Variants in PTPRC observed in about 807,000 individuals in gnomAD.
PTPRC encodes the protein receptor-type tyrosine-protein phosphatase C.
In PTPRC, 44 loss-of-function variants were observed where a neutral mutation model predicts 155.9. The ratio of observed to expected loss-of-function variants is 0.28; its 90% CI spans 0.22 to 0.36. The LOEUF (loss-of-function observed/expected upper bound fraction) is 0.36, where lower values mean the gene tolerates loss of function less well. PTPRC is among the 10% of genes least tolerant of loss of function. PTPRC has a pLI of 1.00. For missense variants in PTPRC, 1,401 were observed against 1,564.6 expected (o/e 0.90, Z 1.76); for synonymous variants, 525 against 533.1 (o/e 0.98, Z 0.21).
intron 32 of PTPRC, 157 bp downstream of exon 32, chr1:198,754,561 C>G (rs1364469402): frequency 1.6e-5 from 14 of 882,104 alleles, no homozygotes; most frequent in Non-Finnish European, 2.4e-5. Flanking sequence ...TTTAGCTTTT[C>G]TACTTTTACA....
chr1:198,714,507 T>C (rs1461138796), intron 12 of PTPRC, among the ~76,000 whole-genome samples: 5 of 152,168 alleles, frequency 3.3e-5, no homozygotes, highest in Non-Finnish European at 7.4e-5. Context: ...CGGGATTGAA[T>C]GGCTGAGAAG....
chr1:198,722,436 C>T lies in PTPRC; in HGVS notation c.1680C>T (p.Asp560=), dbSNP rs1478951283. The T allele has an allele frequency of 1.4e-6, 2 of 1,457,508 alleles. No homozygotes were observed. The highest frequency in any genetic ancestry group is 1.8e-6 in the Non-Finnish European group (2 of 1,097,210). The allele number at this position is 1,457,508 out of a possible 1,614,324, so 90.3% of individuals were successfully genotyped here. A position where few individuals can be genotyped will look rare whatever the true frequency, so the allele number is the denominator to read the frequency against. ...YTFKAYFHNG[D]YPGEPFILHH... ...TTCAGGCCTATTTTCACAATGGAGA[C>T]TATCCTGGAGAACCCTTTATTTTAC... The change falls in exon 15 of 33, where the codon GAC becomes GAT. Residue 560 remains aspartate, a synonymous_variant. Transcript: ENST00000442510.
chr1:198,688,296 G>A (rs1473178693), intron 2 of PTPRC, among the ~76,000 whole-genome samples: 3 of 151,976 alleles, frequency 2.0e-5, no homozygotes, highest in Non-Finnish European at 4.4e-5. Context: ...TAGAAGAAAG[G>A]AAAATGTTGG....
Position 198,754,346 on chromosome 1 carries a change from A to G in PTPRC, c.3587A>G (p.Asp1196Gly), listed in dbSNP as rs1325619408. 1 of 1,613,232 alleles carries G rather than the reference A, an allele frequency of 6.2e-7. No individual in the cohort carries two copies. Among genetic ancestry groups the G allele is most frequent in the Non-Finnish European group, 8.5e-7 (1 of 1,179,560 alleles). Residue 1196 changes from aspartate to glycine, a missense_variant, in exon 32 of 33, where the codon GAT becomes GGT. By Grantham distance (94) the Asp-to-Gly change is moderately conservative (BLOSUM62 -1). Around this residue, in one of 3 missense-constraint regions of PTPRC, gnomAD observed 400 missense variants for 389.5 expected, o/e 1.03. Coordinates refer to ENST00000442510, the MANE Select transcript of PTPRC (RefSeq NM_002838.5). ...AGTGCGGAAACAGAAGAGGTAGTGG[A>G]TATTTTTCAAGTGGTAAAAGCTCTA... Reference protein sequence around the residue: ...LESAETEEVVDIFQVVKALRK... With the variant: ...LESAETEEVVGIFQVVKALRK...
chr1:198,670,234 A>C (rs1664565889), intron 2 of PTPRC, among the ~76,000 whole-genome samples: 1 of 152,160 alleles, frequency 6.6e-6, no homozygotes, highest in Non-Finnish European at 1.5e-5. Context: ...TATTTTCCTT[A>C]GCATTTTTAA....
chr1:198,644,086 G>T (rs1384483804), intron 2 of PTPRC, among the ~76,000 whole-genome samples: 1 of 151,682 alleles, frequency 6.6e-6, no homozygotes, highest in East Asian at 1.9e-4. Context: ...ATGTCACCTT[G>T]GTGCAGAGAG....
chr1:198,656,622 A>T (rs2102234179), intron 2 of PTPRC, among the ~76,000 whole-genome samples: 1 of 150,458 alleles, frequency 6.6e-6, no homozygotes, highest in South Asian at 2.1e-4. Context: ...ATTCTGCTAC[A>T]CATCACAGGG....
chr1:198,672,677 G>A (rs1208315647), intron 2 of PTPRC, among the ~76,000 whole-genome samples: 3 of 150,316 alleles, frequency 2.0e-5, no homozygotes, highest in Non-Finnish European at 4.4e-5. Flanking sequence ...TAGTAGAGAT[G>A]GGGTTTCACC....
At position 198,752,280 on chromosome 1, in the gene PTPRC, A is replaced by G; in HGVS notation, c.3239A>G (p.Lys1080Arg). 1 of 1,612,000 alleles carries G rather than the reference A, an allele frequency of 6.2e-7. No individual in the cohort carries two copies. The highest frequency in any genetic ancestry group is 8.5e-7 in the Non-Finnish European group (1 of 1,178,486). Residue 1080 changes from lysine (K) to arginine (R), a missense_variant, in exon 30 of 33, where the codon AAG becomes AGG. Transcript: ENST00000442510. ...TGTGCTCAGTACTGGGGAGAAGGAAAGCAAACATATGGAGATATTGAAGTT... is the reference window on the plus strand; with the variant it reads ...TGTGCTCAGTACTGGGGAGAAGGAAGGCAAACATATGGAGATATTGAAGTT... Reference protein sequence around the residue: ...EICAQYWGEGKQTYGDIEVDL... With the variant: ...EICAQYWGEGRQTYGDIEVDL...
intron 10 of PTPRC, among the ~76,000 whole-genome samples, chr1:198,709,221 C>A (rs189459732): frequency 6.6e-6 from 1 of 152,052 alleles, no homozygotes; most frequent in Non-Finnish European, 1.5e-5. Flanking sequence ...CAACATGATG[C>A]GGCTCAAACA....
chr1:198,734,481 G>C, intron 22 of PTPRC, 56 bp downstream of exon 22: 1 of 1,505,216 alleles, frequency 6.6e-7, no homozygotes, highest in South Asian at 1.1e-5. Flanking sequence ...ACAAGGTGTT[G>C]AATGGCATTT....
At chr1:198,652,843 A>G (rs1663330025) in intron 2 of PTPRC, among the ~76,000 whole-genome samples, 1 of 151,826 alleles carries the variant, frequency 6.6e-6, no homozygotes. Flanking sequence ...CTTTTCTAAG[A>G]ATAAAAGATG....
intron 3 of PTPRC, among the ~76,000 whole-genome samples, chr1:198,693,422 A>G (rs1010986082): frequency 3.3e-5 from 5 of 152,210 alleles, no homozygotes; most frequent in Non-Finnish European, 4.4e-5. Flanking sequence ...CAACTTTTAC[A>G]GAAGATAGAT....
chr1:198,732,436 A>C (rs1396504856), intron 19 of PTPRC, 44 bp from the exon 20 acceptor site: 1 of 1,598,370 alleles, frequency 6.3e-7, no homozygotes, highest in South Asian at 1.1e-5. Flanking sequence ...AGGCTACTTG[A>C]TTATTCACTA....
chr1:198,725,847 C>G (rs1223077896), intron 15 of PTPRC, among the ~76,000 whole-genome samples: 1 of 152,100 alleles, frequency 6.6e-6, no homozygotes, highest in Non-Finnish European at 1.5e-5. Flanking sequence ...GGAATCTATT[C>G]CTTTGATTTA....
chr1:198,735,805 TA>T (rs1315691839), intron 23 of PTPRC, among the ~76,000 whole-genome samples: 1 of 151,496 alleles, frequency 6.6e-6, no homozygotes, highest in Non-Finnish European at 1.5e-5. Context: ...GGCAAGTCAA[TA>T]AAGACAGAAA....
chr1:198,754,337 A>G lies in PTPRC; in HGVS notation c.3578A>G (p.Glu1193Gly). ...LNLLESAETE[E>G]VVDIFQVVKA... ...CTCTTAGAAAGTGCGGAAACAGAAG[A>G]GGTAGTGGATATTTTTCAAGTGGTA... The change falls in exon 32 of 33, where the codon GAG becomes GGG. Residue 1193 changes from glutamate to glycine, a missense_variant. By Grantham distance (98) the Glu-to-Gly change is moderately conservative. Transcript: ENST00000442510. The G allele has an allele frequency of 6.2e-7, 1 of 1,613,214 alleles. No homozygotes were observed. Among genetic ancestry groups the G allele is most frequent in the Non-Finnish European group, 8.5e-7 (1 of 1,179,422 alleles).
chr1:198,695,609 AT>A (rs886668614), intron 3 of PTPRC, among the ~76,000 whole-genome samples: 9 of 151,680 alleles, frequency 5.9e-5, no homozygotes, highest in South Asian at 2.1e-4. Flanking sequence ...GCCCTGCAGA[AT>A]TTTTTTTACC....
At chr1:198,655,110 C>A (rs1180359501) in intron 2 of PTPRC, among the ~76,000 whole-genome samples, 3 of 151,372 alleles carry the variant, frequency 2.0e-5, no homozygotes, top group Non-Finnish European at 4.4e-5. Flanking sequence ...AATAAGAATA[C>A]CTTTTATTTT....
Sources: gnomAD v4.1 joint callset for allele counts (sites outside exome capture counted in the v4.1 genomes callset) on GRCh38, gnomAD v4.1.1 for gene constraint, gnomAD v4.1.1 regional missense constraint, MANE v1.5 for transcripts, NCBI Gene and HGNC (gene_info 2026-07-23, HGNC 2026-07-21) for gene names.